STPG2: variants seen among roughly 807,000 people sequenced by gnomAD.
The protein encoded by STPG2 is sperm-tail PG-rich repeat-containing protein 2.
In STPG2, 56 loss-of-function variants were observed where a neutral mutation model predicts 54.2. That is an observed-to-expected ratio of 1.03 (90% CI 0.83 to 1.29). The LOEUF (loss-of-function observed/expected upper bound fraction) is 1.29, where lower values mean the gene tolerates loss of function less well. STPG2 is among the 50% of genes most tolerant of loss of function. STPG2 has a pLI of 0.00. For missense variants in STPG2, 596 were observed against 544.9 expected (o/e 1.09, Z -0.93); for synonymous variants, 200 against 181.8 (o/e 1.10, Z -0.81).
At chr4:97,530,203 T>C (rs1731383450) in intron 4 of STPG2, among the ~76,000 whole-genome samples, 1 of 152,212 alleles carries the variant, frequency 6.6e-6, no homozygotes, top group African/African-American at 2.4e-5. Context: ...GGCTCTGCCA[T>C]TCCCTAGGAA....
intron 5 of STPG2, among the ~76,000 whole-genome samples, chr4:97,987,789 C>G (rs1371612640): frequency 6.6e-6 from 1 of 152,004 alleles, no homozygotes; most frequent in African/African-American, 2.4e-5. Context: ...AACCACTTCT[C>G]TCCACCTCCA....
At chr4:98,056,503 C>G (rs1204268264) in intron 5 of STPG2, among the ~76,000 whole-genome samples, 1 of 152,174 alleles carries the variant, frequency 6.6e-6, no homozygotes, top group Non-Finnish European at 1.5e-5. Context: ...GGGACCAATA[C>G]AAGTTCCCCA....
At chr4:98,052,419 A>T (rs1408334670) in intron 5 of STPG2, among the ~76,000 whole-genome samples, 5 of 152,176 alleles carry the variant, frequency 3.3e-5, no homozygotes, top group Non-Finnish European at 4.4e-5. Context: ...TTGAGTTCTC[A>T]CACCTGCCTC....
At chr4:97,664,419 T>C (rs1056876854) in intron 10 of STPG2, among the ~76,000 whole-genome samples, 3 of 152,212 alleles carry the variant, frequency 2.0e-5, no homozygotes, top group African/African-American at 7.2e-5. Context: ...TACTTTCTCA[T>C]TTTCAAAGAT....
At chr4:97,603,331 T>C (rs1733513151) in intron 10 of STPG2, among the ~76,000 whole-genome samples, 1 of 151,714 alleles carries the variant, frequency 6.6e-6, no homozygotes, top group African/African-American at 2.4e-5. Flanking sequence ...GGCAAGAATG[T>C]GTACAAATTG....
At chr4:97,539,086 A>G (rs1476858365) in intron 4 of STPG2, among the ~76,000 whole-genome samples, 1 of 152,204 alleles carries the variant, frequency 6.6e-6, no homozygotes, top group Non-Finnish European at 1.5e-5. Flanking sequence ...CACTGCAAAA[A>G]CATACCAAAT....
chr4:97,999,572 G>A (rs1735349788), intron 5 of STPG2, among the ~76,000 whole-genome samples: 1 of 152,072 alleles, frequency 6.6e-6, no homozygotes, highest in Non-Finnish European at 1.5e-5. Flanking sequence ...GGTGGCATGG[G>A]CTTGTAATTC....
intron 9 of STPG2, among the ~76,000 whole-genome samples, chr4:97,779,308 G>A (rs911010556): frequency 1.3e-5 from 2 of 152,104 alleles, no homozygotes; most frequent in South Asian, 2.1e-4. Context: ...TAACCGATTC[G>A]ATCAACTGGA....
chr4:97,547,212 CTT>C (rs776615674), intron 4 of STPG2, among the ~76,000 whole-genome samples: 26 of 141,442 alleles, frequency 1.8e-4, no homozygotes, highest in Admixed American at 2.1e-4. Context: ...AGACGAGAAA[CTT>C]TTTTTTTTTT....
chr4:98,031,892 A>G (rs1157473762), intron 5 of STPG2, among the ~76,000 whole-genome samples: 1 of 152,142 alleles, frequency 6.6e-6, no homozygotes, highest in Non-Finnish European at 1.5e-5. Context: ...CAATCCCATC[A>G]AAAAGTGGGC....
chr4:97,478,503 A>G (rs150362252), intron 4 of STPG2, among the ~76,000 whole-genome samples: 1 of 152,090 alleles, frequency 6.6e-6, no homozygotes, highest in African/African-American at 2.4e-5. Context: ...GATGACTGCC[A>G]ATTAGTAGGG....
At chr4:97,829,222 C>T (rs1431986212) in intron 9 of STPG2, among the ~76,000 whole-genome samples, 1 of 152,062 alleles carries the variant, frequency 6.6e-6, no homozygotes, top group Non-Finnish European at 1.5e-5. Flanking sequence ...ATTGGTGATA[C>T]CCAGGCAAAC....
At chr4:97,745,302 T>C (rs1725390884) in intron 9 of STPG2, among the ~76,000 whole-genome samples, 1 of 147,792 alleles carries the variant, frequency 6.8e-6, no homozygotes, top group African/African-American at 2.5e-5. Flanking sequence ...CCTAAATTGG[T>C]CCAATAAATC....
intron 6 of STPG2, among the ~76,000 whole-genome samples, chr4:97,975,025 T>TA (rs1361457923): frequency 5.3e-5 from 8 of 152,022 alleles, no homozygotes; most frequent in African/African-American, 1.2e-4. Context: ...ATATCATAAG[T>TA]AAAAAAAGGC....
rs146069887 is a variant in STPG2, at chr4:97,835,574, C to T, written c.1204+5199G>A. 6.3e-4 allele frequency among the ~76,000 whole-genome samples: 96 copies of T among 152,188 alleles called. No homozygotes were observed. The East Asian group carries it at 7.2e-3, about 11-fold the overall frequency. On this transcript the variant is annotated intron_variant, in intron 9 of 10. Coordinates refer to ENST00000295268, the MANE Select transcript of STPG2 (RefSeq NM_174952.3). Reference sequence around the variant, plus strand: ...CAAGGAAATTAGTGTTATTTTCATGCCTGCTAATACAACACCCATTCTGAA... The same window carrying T: ...CAAGGAAATTAGTGTTATTTTCATGTCTGCTAATACAACACCCATTCTGAA...
chr4:97,549,254 T>C (rs1206907507), intron 4 of STPG2, among the ~76,000 whole-genome samples: 3 of 152,324 alleles, frequency 2.0e-5, no homozygotes, highest in African/African-American at 4.8e-5. Flanking sequence ...AATAAAATAA[T>C]ATTTCATACA....
intron 10 of STPG2, among the ~76,000 whole-genome samples, chr4:97,636,797 A>G (rs1721553063): frequency 1.3e-5 from 2 of 152,306 alleles, no homozygotes; most frequent in African/African-American, 4.8e-5. Context: ...ACCAGGAAGA[A>G]GTTGAATCTC....
At chr4:97,613,497 TGTGTGTGTGTGTGTGTGTGTGTATGCAC>T (rs1733783294) in intron 10 of STPG2, among the ~76,000 whole-genome samples, 1 of 151,176 alleles carries the variant, frequency 6.6e-6, no homozygotes, top group Non-Finnish European at 1.5e-5. Flanking sequence ...TGTGTGTGTG[TGTGTGTGTGTGTGTGTGTGTGTATGCAC>T]GTGCGTGTGT....
Position 97,919,212 on chromosome 4 carries a change from C to T in STPG2, c.1044+24685G>A, listed in dbSNP as rs150125682. On this transcript the variant is annotated intron_variant, in intron 8 of 10. Transcript: ENST00000295268. ...AGCTAATGTAGCACATTAAGGAAAG[C>T]GATTTCTGCTTCAAATATATACATA... Among the ~76,000 whole-genome samples, 659 of 151,520 alleles carry T rather than the reference C, an allele frequency of 4.3e-3. 3 individuals are homozygous for T. Among genetic ancestry groups the T allele is most frequent in the South Asian group, 0.025 (119 of 4,780 alleles).
Sources: gnomAD v4.1 joint callset for allele counts (sites outside exome capture counted in the v4.1 genomes callset) on GRCh38, gnomAD v4.1.1 for gene constraint, MANE v1.5 for transcripts, NCBI Gene and HGNC (gene_info 2026-07-23, HGNC 2026-07-21) for gene names.